The following PLCXD1 variants were observed in gnomAD, a reference collection of about 807,000 sequenced individuals.
The protein encoded by PLCXD1 is phosphatidylinositol specific phospholipase C X domain containing 1, also known as PI-PLC X domain-containing protein 1.
PLCXD1 carries 45 observed loss-of-function variants against 37.8 expected under a neutral mutation model. The ratio of observed to expected loss-of-function variants is 1.19; its 90% confidence interval spans 0.94 to 1.53. PLCXD1 has a LOEUF of 1.53. PLCXD1 is among the 40% of genes most tolerant of loss of function. PLCXD1 has a pLI of 0.00. For synonymous variants in PLCXD1, 246 were observed against 206.9 expected, an observed-to-expected ratio of 1.19 and a Z score of -1.62; for missense variants, 539 against 454.7, an observed-to-expected ratio of 1.19 and a Z score of -1.69.
intron 6 of PLCXD1, among the ~76,000 whole-genome samples, chrX:294,431 G>A (rs1052664240): frequency 6.6e-6 from 1 of 150,700 alleles, no homozygotes; most frequent in South Asian, 2.1e-4. Flanking sequence ...GCAGTGAGCC[G>A]AGATCACGCC....
chrX:285,550 T>C (rs995784638), intron 2 of PLCXD1, among the ~76,000 whole-genome samples: 60 of 67,874 alleles, frequency 8.8e-4, no homozygotes, highest in African/African-American at 3.8e-3. Flanking sequence ...CACACAGACA[T>C]ACACATGTAC....
intron 3 of PLCXD1, among the ~76,000 whole-genome samples, chrX:290,296 G>A (rs1315866268): frequency 6.6e-6 from 1 of 152,120 alleles, no homozygotes; most frequent in Non-Finnish European, 1.5e-5. Context: ...TGGGCGCGGT[G>A]GCGGGCGCCT....
chrX:293,835 CAGAA>C (rs1463651307), intron 6 of PLCXD1, among the ~76,000 whole-genome samples: 5 of 152,086 alleles, frequency 3.3e-5, no homozygotes, highest in Non-Finnish European at 5.9e-5. Flanking sequence ...AATCCAGAGA[CAGAA>C]AGAGGATTTG....
chrX:280,286 G>A (rs2069235446), upstream of PLCXD1, among the ~76,000 whole-genome samples: 1 of 151,068 alleles, frequency 6.6e-6, no homozygotes, highest in South Asian at 2.1e-4. Context: ...GGGAGGCCGT[G>A]CAGGAGGAGG....
At chrX:289,980 T>C (rs2069576867) in intron 3 of PLCXD1, among the ~76,000 whole-genome samples, 1 of 152,032 alleles carries the variant, frequency 6.6e-6, no homozygotes. Flanking sequence ...CCTTTAGAGA[T>C]GGAGTCTCGC....
At chrX:288,546 C>G (rs2069527033) in intron 2 of PLCXD1, among the ~76,000 whole-genome samples, 187 bp from the exon 3 acceptor site, 1 of 152,186 alleles carries the variant, frequency 6.6e-6, no homozygotes, top group African/African-American at 2.4e-5. Flanking sequence ...CCTGTTTCAA[C>G]ACGGGTCGTG....
chrX:296,110 C>A (rs1188488840), intron 6 of PLCXD1, among the ~76,000 whole-genome samples: 2 of 151,162 alleles, frequency 1.3e-5, no homozygotes, highest in African/African-American at 2.4e-5. Context: ...CTGTGCCCGG[C>A]CTTTTTTTGT....
rs1556024865 is a variant in PLCXD1 at position 302,280 on chromosome X, C to CG, written c.*2945_*2946insG. ...ACAGGTACAAGGGAGACCCCCCCCCCACGGAAGGCGCCCCCAGTCCGTGTG... is the reference window on the plus strand; with the variant it reads ...ACAGGTACAAGGGAGACCCCCCCCCCGACGGAAGGCGCCCCCAGTCCGTGTG... On this transcript the variant is annotated 3_prime_UTR_variant, in exon 7 of 7. Transcript: ENST00000381657. 3.9e-5 allele frequency: 6 copies of CG among 152,114 alleles called. No homozygotes were observed. The highest frequency in any genetic ancestry group is 7.3e-5 in the Non-Finnish European group (5 of 68,118). 9.4% of individuals were successfully genotyped at this position (152,114 alleles called of 1,614,324 possible). A position where few individuals can be genotyped will look rare whatever the true frequency, so the allele number is the denominator to read the frequency against.
At chrX:290,343 C>T (rs111880538) in intron 3 of PLCXD1, among the ~76,000 whole-genome samples, 34,913 of 150,870 alleles carry the variant, frequency 0.23, 6,520 homozygotes, top group African/African-American at 0.53. Flanking sequence ...GGCAGGAGAA[C>T]GGCATGAACC....
intron 2 of PLCXD1, among the ~76,000 whole-genome samples, chrX:286,340 C>G (rs2069451283): frequency 1.3e-5 from 2 of 152,128 alleles, no homozygotes; most frequent in South Asian, 4.1e-4. Context: ...GCTGGCATTG[C>G]AGACATGAGC....
chrX:300,332 C>G lies in PLCXD1; in HGVS notation c.*997C>G, dbSNP rs1289561684. On this transcript the variant is annotated 3_prime_UTR_variant, in exon 7 of 7. Transcript: ENST00000381657. ...GGAGCCGGCCTCCCCTGTCAGCCAACCCCTCAGCTAGTTCTCACACCAAGC... is the reference window on the plus strand; with the variant it reads ...GGAGCCGGCCTCCCCTGTCAGCCAAGCCCTCAGCTAGTTCTCACACCAAGC... The G allele has an allele frequency of 1.3e-5, 2 of 152,146 alleles. No individual in the cohort carries two copies. Among genetic ancestry groups the G allele is most frequent in the Admixed American group, 1.3e-4 (2 of 15,248 alleles). The allele number at this position is 152,146 out of a possible 1,614,324, so 9.4% of individuals were successfully genotyped here. A position where few individuals can be genotyped will look rare whatever the true frequency, so the allele number is the denominator to read the frequency against.
At chrX:298,995 CTT>C (rs1197112831) in intron 6 of PLCXD1, 100 bp from the exon 7 acceptor site, 5 of 919,362 alleles carry the variant, frequency 5.4e-6, no homozygotes, top group Non-Finnish European at 8.9e-6. Flanking sequence ...GCTTTCAACT[CTT>C]AATTCCTGAG....
chrX:287,345 G>A (rs1407499405), intron 2 of PLCXD1, among the ~76,000 whole-genome samples: 2 of 140,872 alleles, frequency 1.4e-5, no homozygotes, highest in Non-Finnish European at 3.0e-5. Context: ...ATAATATGTG[G>A]ATATATATTT....
chrX:285,295 C>T (rs1384145397), intron 2 of PLCXD1, among the ~76,000 whole-genome samples: 23 of 152,146 alleles, frequency 1.5e-4, no homozygotes, highest in Non-Finnish European at 3.1e-4. Context: ...CACATGGATG[C>T]ACATACACAT....
rs753275333 is a variant in PLCXD1, at chrX:299,482, T to A, written c.*147T>A. 2.0e-5 allele frequency: 14 copies of A among 689,354 alleles called. No individual in the cohort carries two copies. In the South Asian group the frequency reaches 2.3e-4, roughly 11 times the overall value. The allele number at this position is 689,354 out of a possible 1,614,324, so 42.7% of individuals were successfully genotyped here. Reference sequence around the variant, plus strand: ...TTCTTTAAAATAGAGATGGGGTGGCTGGGCGTGGTGACTTCGCCTGTCTTC... The same window carrying A: ...TTCTTTAAAATAGAGATGGGGTGGCAGGGCGTGGTGACTTCGCCTGTCTTC... On this transcript the variant is annotated 3_prime_UTR_variant, in exon 7 of 7. Transcript: ENST00000381657.
At position 290,643 on chromosome X, in the gene PLCXD1, C is replaced by T. The variant is rs776792740; in HGVS notation, c.265-5C>T. ...GGCAGACATGACAGCAGCCTCTGTC[C>T]ACAGGCACTGGACGTCACAGAGCAG... is the stretch of plus-strand genomic sequence containing the variant. On this transcript the variant is annotated splice_polypyrimidine_tract_variant and splice_region_variant and intron_variant, in intron 3 of 6. Transcript: ENST00000381657. The T allele has an allele frequency of 1.2e-6, 2 of 1,613,640 alleles. No homozygotes were observed. The highest frequency in any genetic ancestry group is 2.2e-5 in the East Asian group (1 of 44,878).
At chrX:292,386 G>C (rs376170796) in intron 5 of PLCXD1, among the ~76,000 whole-genome samples, 195 of 152,166 alleles carry the variant, frequency 1.3e-3, no homozygotes, top group African/African-American at 4.4e-3. Context: ...GTGAACCCGG[G>C]GGGTGGAGGT....
At chrX:289,737 T>A (rs2069569690) in intron 3 of PLCXD1, among the ~76,000 whole-genome samples, 1 of 151,246 alleles carries the variant, frequency 6.6e-6, no homozygotes, top group Non-Finnish European at 1.5e-5. Context: ...GGTCTCGAAC[T>A]CCTGACCTCG....
Position 291,580 on chromosome X carries a change from C to T in PLCXD1, c.475C>T (p.Leu159=). ...VILACRNFEG[L]SEDLHEYLVA... is the part of the protein sequence containing the mutation. ...CCTGGCCTGCAGAAACTTCGAGGGG[C>T]TGAGCGAGGACCTGCACGAGTACCT... The change falls in exon 5 of 7, where the codon CTG becomes TTG. Residue 159 remains leucine, a synonymous_variant. Transcript: ENST00000381657. 1 of 1,613,158 alleles carries T rather than the reference C, an allele frequency of 6.2e-7. No homozygotes were observed. Among genetic ancestry groups the T allele is most frequent in the Non-Finnish European group, 8.5e-7 (1 of 1,179,852 alleles).
Sources: allele counts gnomAD v4.1 joint callset (sites outside exome capture counted in the v4.1 genomes callset), GRCh38; gene constraint gnomAD v4.1.1; transcripts MANE v1.5; gene names NCBI Gene and HGNC (gene_info 2026-07-23, HGNC 2026-07-21).